The following ARL6 variants were observed in gnomAD, a reference collection of about 807,000 sequenced individuals.
ARL6 encodes ARF like GTPase 6.
In ARL6, 18 loss-of-function variants were observed where a neutral mutation model predicts 27.1. That is an observed-to-expected ratio of 0.66 (90% CI 0.46 to 0.98). The LOEUF (loss-of-function observed/expected upper bound fraction) is 0.98, where lower values mean the gene tolerates loss of function less well. Ranked by LOEUF, ARL6 falls within the 50% of genes least tolerant of loss-of-function variation. ARL6 has a pLI of 0.00. For synonymous variants in ARL6, 65 were observed against 72.3 expected (o/e 0.90, Z 0.51); for missense variants, 187 against 214.9 (o/e 0.87, Z 0.81).
chr3:97,774,938 A>T (rs1315200433), intron 2 of ARL6, among the ~76,000 whole-genome samples: 1 of 152,208 alleles, frequency 6.6e-6, no homozygotes, highest in Non-Finnish European at 1.5e-5. Flanking sequence ...GGTTCTCCAC[A>T]TATAGTCAAA....
Position 97,791,835 on chromosome 3 carries a change from CA to C in ARL6, c.535+13del. 3 of 1,610,904 alleles carry C rather than the reference CA, an allele frequency of 1.9e-6. No individual in the cohort carries two copies. The highest frequency in any genetic ancestry group is 2.5e-6 in the Non-Finnish European group (3 of 1,177,686). On this transcript the variant is annotated intron_variant, in intron 7 of 7. Coordinates refer to ENST00000463745, the MANE Select transcript of ARL6 (RefSeq NM_001278293.3). The stretch of plus-strand genomic sequence containing the variant: ...TGTAGACTGGCTTCAAGGTACATTA[CA>C]AAATACTGTGTGTCTTCAGCCTTTG...
At chr3:97,769,359 A>C (rs1219528296) in intron 2 of ARL6, among the ~76,000 whole-genome samples, 1 of 151,996 alleles carries the variant, frequency 6.6e-6, no homozygotes, top group Non-Finnish European at 1.5e-5. Context: ...CTTTTTCAAA[A>C]ATTTCAATCT....
chr3:97,776,544 C>CTAA (rs2036910598), intron 2 of ARL6, among the ~76,000 whole-genome samples: 1 of 152,016 alleles, frequency 6.6e-6, no homozygotes, highest in Admixed American at 6.6e-5. Context: ...ATTACTTGTG[C>CTAA]TAATCTTAGT....
At chr3:97,779,990 T>C (rs930553210) in intron 2 of ARL6, among the ~76,000 whole-genome samples, 169 bp from the exon 3 acceptor site, 6 of 152,200 alleles carry the variant, frequency 3.9e-5, no homozygotes, top group Non-Finnish European at 8.8e-5. Flanking sequence ...CTTAAACTTC[T>C]ATAAAGAATT....
At chr3:97,768,385 G>T (rs2036484636) in intron 2 of ARL6, among the ~76,000 whole-genome samples, 155 bp downstream of exon 2, 1 of 152,010 alleles carries the variant, frequency 6.6e-6, no homozygotes, top group Non-Finnish European at 1.5e-5. Context: ...ATAATTTGCA[G>T]TATATTTTAC....
intron 7 of ARL6, among the ~76,000 whole-genome samples, chr3:97,792,951 C>T (rs1184606526): frequency 6.6e-6 from 1 of 151,970 alleles, no homozygotes; most frequent in Non-Finnish European, 1.5e-5. Context: ...CCTTTTAATG[C>T]CAGTTGTGTG....
intron 1 of ARL6, 36 bp from the exon 2 acceptor site, chr3:97,768,045 G>A: frequency 6.3e-7 from 1 of 1,581,390 alleles, no homozygotes; most frequent in Non-Finnish European, 8.7e-7. Flanking sequence ...AACTTAAGGT[G>A]CCTTTGGGTA....
At chr3:97,787,435 CAA>C (rs1052479511) in intron 5 of ARL6, among the ~76,000 whole-genome samples, 5 of 152,076 alleles carry the variant, frequency 3.3e-5, no homozygotes, top group African/African-American at 7.2e-5. Flanking sequence ...TGTCCTAGGA[CAA>C]AGTTAGGAAG....
intron 7 of ARL6, among the ~76,000 whole-genome samples, 179 bp from the exon 8 acceptor site, chr3:97,797,845 C>T (rs1294134720): frequency 6.6e-6 from 1 of 152,010 alleles, no homozygotes; most frequent in Non-Finnish European, 1.5e-5. Flanking sequence ...CCACTTGCAC[C>T]CAGAAGTTCC....
chr3:97,797,886 A>C, intron 7 of ARL6, 138 bp from the exon 8 acceptor site: 1 of 812,172 alleles, frequency 1.2e-6, no homozygotes, highest in South Asian at 1.7e-5. Context: ...GCAAGATCCT[A>C]TCTCTAAAAA....
At chr3:97,774,782 A>G (rs2036814233) in intron 2 of ARL6, among the ~76,000 whole-genome samples, 1 of 152,178 alleles carries the variant, frequency 6.6e-6, no homozygotes, top group Admixed American at 6.5e-5. Flanking sequence ...ACAGGAGATA[A>G]GACTCTCACT....
At chr3:97,779,008 G>A (rs561192349) in intron 2 of ARL6, among the ~76,000 whole-genome samples, 2 of 152,310 alleles carry the variant, frequency 1.3e-5, no homozygotes, top group Admixed American at 6.5e-5. Flanking sequence ...CAGAGGAATA[G>A]TTTTTCTGAT....
intron 6 of ARL6, 26 bp from the exon 7 acceptor site, chr3:97,791,745 T>G: frequency 1.9e-6 from 3 of 1,609,500 alleles, no homozygotes; most frequent in Non-Finnish European, 2.6e-6. Flanking sequence ...ATGAGATGGC[T>G]ATGTTTCTTA....
At chr3:97,769,016 C>T (rs145326810) in intron 2 of ARL6, among the ~76,000 whole-genome samples, 1 of 152,074 alleles carries the variant, frequency 6.6e-6, no homozygotes, top group Non-Finnish European at 1.5e-5. Flanking sequence ...AGCTTACATC[C>T]ACTACTAGAA....
Position 97,798,829 on chromosome 3 carries a change from G to A in ARL6, c.*780G>A, listed in dbSNP as rs1037123298. 3 of 152,016 alleles carry A rather than the reference G, an allele frequency of 2.0e-5. No individual in the cohort carries two copies. Among genetic ancestry groups the A allele is most frequent in the Non-Finnish European group, 4.4e-5 (3 of 67,934 alleles). The allele number at this position is 152,016 out of a possible 1,614,324, so 9.4% of individuals were successfully genotyped here. On this transcript the variant is annotated 3_prime_UTR_variant, in exon 8 of 8. Transcript: ENST00000463745. ...ATTTCATTGGCTGAATGAAAATATT[G>A]CATCTTCAGATTAAGAGGTATAAAG... is the stretch of plus-strand genomic sequence containing the variant.
intron 7 of ARL6, among the ~76,000 whole-genome samples, chr3:97,796,482 G>T (rs1454389381): frequency 6.6e-6 from 1 of 152,126 alleles, no homozygotes; most frequent in Non-Finnish European, 1.5e-5. Flanking sequence ...AAGGGGTCAT[G>T]TTCAGGAGGC....
chr3:97,771,498 C>A (rs2036633647), intron 2 of ARL6, among the ~76,000 whole-genome samples: 1 of 151,948 alleles, frequency 6.6e-6, no homozygotes, highest in Non-Finnish European at 1.5e-5. Context: ...ATACTGATGA[C>A]CTTCATTTTT....
chr3:97,783,281 A>G (rs1044824282), intron 4 of ARL6, among the ~76,000 whole-genome samples: 1 of 151,764 alleles, frequency 6.6e-6, no homozygotes, highest in African/African-American at 2.4e-5. Context: ...CTAAGGAAAA[A>G]GGAACCATCT....
Position 97,764,966 on chromosome 3 carries a change from C to T in ARL6, c.-39C>T, listed in dbSNP as rs1311877095. 1.3e-5 allele frequency: 2 copies of T among 152,262 alleles called. No homozygotes were observed. Among genetic ancestry groups the T allele is most frequent in the Non-Finnish European group, 2.9e-5 (2 of 68,096 alleles). The allele number at this position is 152,262 out of a possible 1,614,324, so 9.4% of individuals were successfully genotyped here. On this transcript the variant is annotated 5_prime_UTR_variant, in exon 1 of 8. Transcript: ENST00000463745. ...CAGCTCCTGCGCCCTCCGGACTAAC[C>T]TCAAAAACCAGGTATCTCCTCAACG...
Sources: gnomAD v4.1 joint callset for allele counts (sites outside exome capture counted in the v4.1 genomes callset) on GRCh38, gnomAD v4.1.1 for gene constraint, MANE v1.5 for transcripts, NCBI Gene and HGNC (gene_info 2026-07-23, HGNC 2026-07-21) for gene names.